C14orf132: variants seen among roughly 807,000 people sequenced by gnomAD.
C14orf132 encodes the protein chromosome 14 open reading frame 132.
C14orf132 carries 6 observed loss-of-function variants against 5.8 expected under a neutral mutation model. The ratio of observed to expected loss-of-function variants is 1.03; its 90% CI spans 0.57 to 2.04. The LOEUF (loss-of-function observed/expected upper bound fraction) is 2.04, where lower values mean the gene tolerates loss of function less well. C14orf132 is among the 30% of genes most tolerant of loss of function. The pLI, the probability that C14orf132 is intolerant of heterozygous loss-of-function variation, is 0.00. For missense variants in C14orf132, 125 were observed against 115.8 expected, an observed-to-expected ratio of 1.08 and a Z score of -0.37; for synonymous variants, 51 against 49.8, an observed-to-expected ratio of 1.02 and a Z score of -0.10.
chr14:96,085,742 T>A (rs947813197), intron 1 of C14orf132, among the ~76,000 whole-genome samples: 1 of 152,226 alleles, frequency 6.6e-6, no homozygotes, highest in African/African-American at 2.4e-5. Flanking sequence ...CCATGATGCA[T>A]GTACATGCTA....
chr14:96,083,952 C>T (rs1251192666), intron 1 of C14orf132, among the ~76,000 whole-genome samples: 1 of 152,228 alleles, frequency 6.6e-6, no homozygotes, highest in East Asian at 1.9e-4. Flanking sequence ...TGGCAGGAAC[C>T]CATCAGAAGC....
At position 96,039,473 on chromosome 14, in the gene C14orf132, G is replaced by T. The variant is rs1388858235; in HGVS notation, c.-28G>T. 4.0e-6 allele frequency: 6 copies of T among 1,498,210 alleles called. No homozygotes were observed. The African/African-American group carries it at 8.6e-5, about 21-fold the overall frequency. The allele number at this position is 1,498,210 out of a possible 1,614,324, so 92.8% of individuals were successfully genotyped here. ...CCCGCAGCGGCAGCGGCAGCAGCGA[G>T]GACTCGAGCGCTGGCTGCAGCGACA... is the stretch of plus-strand genomic sequence containing the variant. On this transcript the variant is annotated 5_prime_UTR_variant, in exon 1 of 2. The change creates a new upstream start codon in the 5' untranslated region. Coordinates refer to ENST00000555004, the MANE Select transcript of C14orf132 (RefSeq NM_001252507.3). The surrounding 1 kb of genome is among the most constrained non-coding windows in gnomAD (Gnocchi z 5.3).
Position 96,049,587 on chromosome 14 carries a change from T to C in C14orf132, c.27+10060T>C, listed in dbSNP as rs1341028232. ...GTATATATACATATATACGTATATA[T>C]ATACATATATACGTATATATATACA... On this transcript the variant is annotated intron_variant, in intron 1 of 1. Transcript: ENST00000555004. Among the ~76,000 whole-genome samples the C allele has an allele frequency of 2.4e-5, 3 of 125,836 alleles. 1 individual carries two copies. The highest frequency in any genetic ancestry group is 2.3e-4 in the South Asian group (1 of 4,406). 82.6% of individuals were successfully genotyped at this position (125,836 alleles called of 152,430 possible).
chr14:96,092,927 T>C lies in C14orf132; in HGVS notation c.*6192T>C, dbSNP rs1888462683. ...AGGGATGCCACCGAACATCCTACAA[T>C]GCACAGGGCAGCCCCCCACAAATAA... On this transcript the variant is annotated 3_prime_UTR_variant, in exon 2 of 2. Transcript: ENST00000555004. 6.6e-6 allele frequency: 1 copy of C among 152,206 alleles called. No homozygotes were observed. Among genetic ancestry groups the C allele is most frequent in the Admixed American group, 6.5e-5 (1 of 15,290 alleles). 9.4% of individuals were successfully genotyped at this position (152,206 alleles called of 1,614,324 possible). A position where few individuals can be genotyped will look rare whatever the true frequency, so the allele number is the denominator to read the frequency against.
chr14:96,066,613 C>G (rs1327564378), intron 1 of C14orf132, among the ~76,000 whole-genome samples: 2 of 151,986 alleles, frequency 1.3e-5, no homozygotes, highest in Non-Finnish European at 2.9e-5. Context: ...AGCATCTGCT[C>G]TATGTCAGTA....
intron 1 of C14orf132, among the ~76,000 whole-genome samples, chr14:96,045,965 A>G (rs1886822918): frequency 6.6e-6 from 1 of 152,148 alleles, no homozygotes; most frequent in Non-Finnish European, 1.5e-5. Context: ...CCTCTAGGCA[A>G]CTTGGCCACT....
At chr14:96,081,276 C>T (rs1300986579) in intron 1 of C14orf132, among the ~76,000 whole-genome samples, 1 of 152,164 alleles carries the variant, frequency 6.6e-6, no homozygotes, top group Admixed American at 6.5e-5. Flanking sequence ...CATTTTTCAT[C>T]CAGTGTTAAG....
Position 96,087,844 on chromosome 14 carries a change from C to T in C14orf132, c.*1109C>T, listed in dbSNP as rs1888248555. 6.6e-6 allele frequency: 1 copy of T among 152,114 alleles called. No individual in the cohort carries two copies. Among genetic ancestry groups the T allele is most frequent in the Non-Finnish European group, 1.5e-5 (1 of 68,032 alleles). 9.4% of individuals were successfully genotyped at this position (152,114 alleles called of 1,614,324 possible). A position where few individuals can be genotyped will look rare whatever the true frequency, so the allele number is the denominator to read the frequency against. On this transcript the variant is annotated 3_prime_UTR_variant, in exon 2 of 2. Transcript: ENST00000555004. ...GCCACTTCCTTAAATTCTGAAATAT[C>T]AGCATCTGGGGTCCTGGCAAGCAAG...
intron 1 of C14orf132, among the ~76,000 whole-genome samples, chr14:96,041,003 C>T (rs1285774542): frequency 6.6e-6 from 1 of 152,168 alleles, no homozygotes; most frequent in East Asian, 1.9e-4. Context: ...TCAGTTGCTG[C>T]CATGGCAACT....
rs1030818157 is a variant in C14orf132 at position 96,091,227 on chromosome 14, C to T, written c.*4492C>T. 5 of 356,334 alleles carry T rather than the reference C, an allele frequency of 1.4e-5. No homozygotes were observed. In the East Asian group the frequency reaches 2.2e-4, roughly 16 times the overall value. The allele number at this position is 356,334 out of a possible 1,614,324, so 22.1% of individuals were successfully genotyped here. ...TGGACCATCTCGGGATATGAGGCCT[C>T]GGAGGCTGGGGTTGAGATTTGGTCC... On this transcript the variant is annotated 3_prime_UTR_variant, in exon 2 of 2. Transcript: ENST00000555004.
chr14:96,079,957 G>A (rs1421669551), intron 1 of C14orf132, among the ~76,000 whole-genome samples: 2 of 152,224 alleles, frequency 1.3e-5, no homozygotes, highest in Non-Finnish European at 2.9e-5. Flanking sequence ...TTTAGGATAA[G>A]TATAGGCTGT....
rs1017301251 is a variant in C14orf132, at chr14:96,089,695, C to G, written c.*2960C>G. ...ATTTCAGGGGTGCCGGTCCCCAAGGCCTGCCCCCTTCTTTAAGACTGAACT... is the reference window on the plus strand; with the variant it reads ...ATTTCAGGGGTGCCGGTCCCCAAGGGCTGCCCCCTTCTTTAAGACTGAACT... On this transcript the variant is annotated 3_prime_UTR_variant, in exon 2 of 2. Coordinates refer to ENST00000555004, the MANE Select transcript of C14orf132 (RefSeq NM_001252507.3). 6.6e-6 allele frequency: 1 copy of G among 152,322 alleles called. No individual in the cohort carries two copies. Among genetic ancestry groups the G allele is most frequent in the African/African-American group, 2.4e-5 (1 of 41,434 alleles). The allele number at this position is 152,322 out of a possible 1,614,324, so 9.4% of individuals were successfully genotyped here.
rs1049055777 is a variant in C14orf132 at position 96,088,705 on chromosome 14, C to T, written c.*1970C>T. On this transcript the variant is annotated 3_prime_UTR_variant, in exon 2 of 2. Coordinates refer to ENST00000555004, the MANE Select transcript of C14orf132 (RefSeq NM_001252507.3). ...TCAAATCTTCCCTCTGGCCCCACAT[C>T]CCTAGGAGGGCCTGACCCCTGTAAA... The T allele has an allele frequency of 2.0e-5, 3 of 152,284 alleles. No homozygotes were observed. The highest frequency in any genetic ancestry group is 2.0e-4 in the Admixed American group (3 of 15,294). The allele number at this position is 152,284 out of a possible 1,614,324, so 9.4% of individuals were successfully genotyped here.
intron 1 of C14orf132, among the ~76,000 whole-genome samples, chr14:96,044,005 G>A (rs1000021106): frequency 6.6e-6 from 1 of 152,150 alleles, no homozygotes; most frequent in African/African-American, 2.4e-5. Flanking sequence ...AGGCTCAGCC[G>A]GCAAACAGAG....
At chr14:96,042,639 G>T (rs1029601327) in intron 1 of C14orf132, among the ~76,000 whole-genome samples, 1 of 152,166 alleles carries the variant, frequency 6.6e-6, no homozygotes, top group Non-Finnish European at 1.5e-5. Flanking sequence ...TCCTCTTTGG[G>T]TGTACAGAGT....
At chr14:96,085,657 G>A (rs1428149895) in intron 1 of C14orf132, among the ~76,000 whole-genome samples, 1 of 152,252 alleles carries the variant, frequency 6.6e-6, no homozygotes, top group South Asian at 2.1e-4. Context: ...CCACCGGAAG[G>A]TATACAGTGT....
At chr14:96,086,473 C>G in intron 1 of C14orf132, 38 bp from the exon 2 acceptor site, 4 of 1,520,848 alleles carry the variant, frequency 2.6e-6, no homozygotes, top group Non-Finnish European at 3.5e-6. Flanking sequence ...GCCCAAGCCC[C>G]CATGGCCCTG....
At chr14:96,077,096 C>T (rs1014425236) in intron 1 of C14orf132, among the ~76,000 whole-genome samples, 4 of 152,184 alleles carry the variant, frequency 2.6e-5, no homozygotes, top group African/African-American at 9.7e-5. Flanking sequence ...ATTTCACGTG[C>T]CCATGAGAAG....
At chr14:96,063,497 C>T (rs939534146) in intron 1 of C14orf132, among the ~76,000 whole-genome samples, 4 of 151,920 alleles carry the variant, frequency 2.6e-5, no homozygotes, top group Non-Finnish European at 5.9e-5. Flanking sequence ...TTAGTAGAGA[C>T]GGGGTTTCAC....
Sources: allele counts gnomAD v4.1 joint callset (sites outside exome capture counted in the v4.1 genomes callset), GRCh38; gene constraint gnomAD v4.1.1; non-coding constraint Gnocchi (gnomAD v3.1); transcripts MANE v1.5; gene names NCBI Gene and HGNC (gene_info 2026-07-23, HGNC 2026-07-21).